KCNH8: variants seen among roughly 807,000 people sequenced by gnomAD.
KCNH8 encodes voltage-gated delayed rectifier potassium channel KCNH8.
KCNH8 carries 70 observed loss-of-function variants against 103.6 expected under a neutral mutation model. The ratio of observed to expected loss-of-function variants is 0.68; its 90% confidence interval spans 0.56 to 0.82. The LOEUF (loss-of-function observed/expected upper bound fraction) is 0.82. Ranked by LOEUF, KCNH8 falls within the 40% of genes least tolerant of loss-of-function variation. KCNH8 has a pLI of 0.00. For synonymous variants in KCNH8, 498 were observed against 489.4 expected, an observed-to-expected ratio of 1.02 and a Z score of -0.23; for missense variants, 1,217 against 1,329.9, an observed-to-expected ratio of 0.92 and a Z score of 1.32.
chr3:19,527,939 C>G (rs141744397), intron 15 of KCNH8, among the ~76,000 whole-genome samples: 1 of 152,124 alleles, frequency 6.6e-6, no homozygotes, highest in East Asian at 1.9e-4. Flanking sequence ...GTTTTCATCA[C>G]TTCTTTTTTT....
At chr3:19,488,248 C>T (rs776510809) in intron 11 of KCNH8, among the ~76,000 whole-genome samples, 12 of 152,222 alleles carry the variant, frequency 7.9e-5, no homozygotes, top group Non-Finnish European at 1.8e-4. Context: ...GGCGATTAGA[C>T]TGGGTATTCT....
intron 5 of KCNH8, 60 bp from the exon 6 acceptor site, chr3:19,390,421 A>G (rs1331523826): frequency 7.9e-7 from 1 of 1,267,494 alleles, no homozygotes; most frequent in Non-Finnish European, 1.1e-6. Flanking sequence ...TGTCCTTCCT[A>G]CCTTCTTTAT....
intron 11 of KCNH8, among the ~76,000 whole-genome samples, chr3:19,471,261 C>G (rs957988586): frequency 9.2e-5 from 14 of 152,188 alleles, no homozygotes; most frequent in African/African-American, 1.2e-4. Context: ...CACATACCCA[C>G]AAACAGGCAT....
At chr3:19,161,578 A>G (rs544099389) in intron 1 of KCNH8, among the ~76,000 whole-genome samples, 1 of 152,310 alleles carries the variant, frequency 6.6e-6, no homozygotes, top group South Asian at 2.1e-4. Context: ...TTTTGTATCT[A>G]ATTGAATTGA....
chr3:19,533,370 C>T, intron 15 of KCNH8, 25 bp from the exon 16 acceptor site: 1 of 1,491,834 alleles, frequency 6.7e-7, no homozygotes, highest in Non-Finnish European at 9.4e-7. Context: ...TAACTATTGT[C>T]TTTCACTTTG....
chr3:19,470,397 A>C (rs918926135), intron 11 of KCNH8, among the ~76,000 whole-genome samples: 9 of 152,154 alleles, frequency 5.9e-5, no homozygotes, highest in African/African-American at 2.2e-4. Flanking sequence ...TCTCTCCTTC[A>C]GTAGACTTGC....
intron 7 of KCNH8, among the ~76,000 whole-genome samples, chr3:19,414,925 C>G (rs2066839761): frequency 6.6e-6 from 1 of 151,928 alleles, no homozygotes; most frequent in Non-Finnish European, 1.5e-5. Context: ...AAATTATTGT[C>G]TTAACATTTT....
intron 2 of KCNH8, among the ~76,000 whole-genome samples, chr3:19,265,428 G>T (rs868627956): frequency 6.6e-6 from 1 of 152,032 alleles, no homozygotes; most frequent in African/African-American, 2.4e-5. Context: ...TGCACAGACC[G>T]CATGCCCATG....
intron 11 of KCNH8, among the ~76,000 whole-genome samples, chr3:19,480,223 T>C (rs891697066): frequency 4.6e-5 from 7 of 152,222 alleles, no homozygotes; most frequent in African/African-American, 1.7e-4. Flanking sequence ...TGTTTGCTTC[T>C]TTCCTGCTTC....
chr3:19,518,456 C>T (rs1026120164), intron 15 of KCNH8, among the ~76,000 whole-genome samples: 5 of 152,030 alleles, frequency 3.3e-5, no homozygotes, highest in Non-Finnish European at 7.4e-5. Context: ...CGTAAGTTCA[C>T]AGAAGAATGC....
At position 19,333,415 on chromosome 3, in the gene KCNH8, A is replaced by G. The variant is rs1358737251; in HGVS notation, c.443-9172A>G. Among the ~76,000 whole-genome samples the G allele has an allele frequency of 2.6e-5, 4 of 152,334 alleles. 1 individual carries two copies. The highest frequency in any genetic ancestry group is 4.1e-4 in the South Asian group (2 of 4,822). ...ATTTTTTGTTTAGAATTGCAAATGC[A>G]TGGTAAGAATACAAAGCTGACCAAA... On this transcript the variant is annotated intron_variant, in intron 3 of 15. Coordinates refer to ENST00000328405, the MANE Select transcript of KCNH8 (RefSeq NM_144633.3).
intron 10 of KCNH8, among the ~76,000 whole-genome samples, chr3:19,455,721 C>A (rs1262213716): frequency 6.6e-6 from 1 of 151,976 alleles, no homozygotes; most frequent in Non-Finnish European, 1.5e-5. Flanking sequence ...AAGTGGAATT[C>A]TTTCTAGGAT....
At chr3:19,297,439 A>G (rs1412724657) in intron 3 of KCNH8, among the ~76,000 whole-genome samples, 2 of 152,242 alleles carry the variant, frequency 1.3e-5, no homozygotes, top group East Asian at 3.9e-4. Context: ...CATAAATTAT[A>G]GGATAAGTAC....
chr3:19,218,478 G>A (rs143621860), intron 1 of KCNH8, among the ~76,000 whole-genome samples: 2 of 152,042 alleles, frequency 1.3e-5, no homozygotes, highest in Non-Finnish European at 2.9e-5. Context: ...TCATAAAATC[G>A]AACTGCTCCA....
At chr3:19,240,949 G>A (rs1157450385) in intron 1 of KCNH8, among the ~76,000 whole-genome samples, 1 of 152,048 alleles carries the variant, frequency 6.6e-6, no homozygotes, top group Non-Finnish European at 1.5e-5. Flanking sequence ...ATCACCTCAT[G>A]TTTTTTTATG....
chr3:19,265,138 C>T (rs2064489960), intron 2 of KCNH8, among the ~76,000 whole-genome samples: 1 of 152,028 alleles, frequency 6.6e-6, no homozygotes, highest in African/African-American at 2.4e-5. Flanking sequence ...AATCTCAGCT[C>T]TCTACATTCA....
At chr3:19,471,626 A>G (rs916335049) in intron 11 of KCNH8, among the ~76,000 whole-genome samples, 4 of 152,226 alleles carry the variant, frequency 2.6e-5, no homozygotes, top group Admixed American at 2.0e-4. Context: ...AATAAGTTGT[A>G]TAAGTTTATG....
chr3:19,442,854 T>G (rs1486711723), intron 8 of KCNH8, among the ~76,000 whole-genome samples: 1 of 152,116 alleles, frequency 6.6e-6, no homozygotes, highest in Non-Finnish European at 1.5e-5. Context: ...GAACTAATCA[T>G]AAGAGCTCAC....
chr3:19,342,778 T>A, intron 4 of KCNH8, 64 bp downstream of exon 4: 3 of 1,478,690 alleles, frequency 2.0e-6, no homozygotes, highest in Non-Finnish European at 2.8e-6. Flanking sequence ...TTTGACTCGC[T>A]AAAGAAAGGC....
Sources: gnomAD v4.1 joint callset for allele counts (sites outside exome capture counted in the v4.1 genomes callset) on GRCh38, gnomAD v4.1.1 for gene constraint, MANE v1.5 for transcripts, NCBI Gene and HGNC (gene_info 2026-07-23, HGNC 2026-07-21) for gene names.